Variants in COG6 observed in about 807,000 individuals in gnomAD.
COG6 encodes the protein conserved oligomeric Golgi complex subunit 6.
COG6 carries 74 observed loss-of-function variants against 88.8 expected under a neutral mutation model. That is an observed-to-expected ratio of 0.83 (90% confidence interval 0.69 to 1.01). COG6 has a LOEUF of 1.01. Among genes scored for constraint, COG6 ranks in the 50% least tolerant of loss-of-function variants. The pLI is 0.00. For missense variants in COG6, 800 were observed against 797.9 expected, an observed-to-expected ratio of 1.00 and a Z score of -0.03; for synonymous variants, 286 against 278.7, an observed-to-expected ratio of 1.03 and a Z score of -0.26.
intron 18 of COG6, among the ~76,000 whole-genome samples, chr13:39,731,899 A>C (rs990663323): frequency 6.6e-6 from 1 of 152,210 alleles, no homozygotes; most frequent in African/African-American, 2.4e-5. Flanking sequence ...AGACCTCAGA[A>C]AGTCCAAACC....
At chr13:39,736,376 CTT>C (rs1270527719) in intron 18 of COG6, among the ~76,000 whole-genome samples, 1 of 152,038 alleles carries the variant, frequency 6.6e-6, no homozygotes, top group East Asian at 1.9e-4. Context: ...ATTTCAAGCT[CTT>C]TGTTAAAGTT....
At chr13:39,730,800 G>A (rs1169089654) in intron 18 of COG6, among the ~76,000 whole-genome samples, 1,554 of 63,586 alleles carry the variant, frequency 0.024, no homozygotes, top group Non-Finnish European at 0.039. Context: ...AAAAAAAAAA[G>A]ATTTAACATT....
intron 18 of COG6, among the ~76,000 whole-genome samples, chr13:39,776,588 TA>T (rs571890572): frequency 1.0e-3 from 153 of 152,318 alleles, no homozygotes; most frequent in African/African-American, 3.7e-3. Context: ...GGAAAAGATG[TA>T]ACAAATGTTC....
intron 13 of COG6, among the ~76,000 whole-genome samples, chr13:39,705,912 T>A (rs1208707796): frequency 6.6e-6 from 1 of 151,936 alleles, no homozygotes. Flanking sequence ...GGTTGAATAG[T>A]TTGAGTTTTA....
chr13:39,719,044 T>C (rs567978117), intron 13 of COG6, among the ~76,000 whole-genome samples, 192 bp from the exon 14 acceptor site: 14 of 152,284 alleles, frequency 9.2e-5, no homozygotes, highest in African/African-American at 2.9e-4. Flanking sequence ...TGAGATAATC[T>C]GACAAAGAAC....
At chr13:39,786,397 G>A (rs773349751) in intron 18 of COG6, among the ~76,000 whole-genome samples, 5 of 152,122 alleles carry the variant, frequency 3.3e-5, no homozygotes, top group East Asian at 1.9e-4. Context: ...GTGGATGCCC[G>A]GACAAGGGCA....
intron 7 of COG6, 131 bp downstream of exon 7, chr13:39,680,176 G>T: frequency 4.9e-6 from 3 of 612,470 alleles, no homozygotes; most frequent in South Asian, 2.2e-5. Context: ...AATAGTATTT[G>T]TATTTGGTTT....
At chr13:39,706,308 A>G (rs1409375614) in intron 13 of COG6, among the ~76,000 whole-genome samples, 1 of 124,968 alleles carries the variant, frequency 8.0e-6, no homozygotes, top group African/African-American at 2.8e-5. Flanking sequence ...GAATGAGGAA[A>G]TTAGTTTAAA....
chr13:39,726,024 C>T (rs1457126031), intron 17 of COG6, among the ~76,000 whole-genome samples: 1 of 151,920 alleles, frequency 6.6e-6, no homozygotes, highest in Non-Finnish European at 1.5e-5. Flanking sequence ...CTTCATGTTC[C>T]TGGTGTTAAT....
chr13:39,767,960 T>A (rs1416410070), intron 18 of COG6, among the ~76,000 whole-genome samples: 1 of 152,200 alleles, frequency 6.6e-6, no homozygotes, highest in Non-Finnish European at 1.5e-5. Flanking sequence ...GTCCCAACTC[T>A]GAGCTGTCAT....
chr13:39,687,826 G>C (rs371418403), intron 10 of COG6, 27 bp downstream of exon 10: 2 of 1,451,600 alleles, frequency 1.4e-6, no homozygotes, highest in East Asian at 4.5e-5. Flanking sequence ...TATTGCTAAT[G>C]CCTAAATATA....
intron 18 of COG6, among the ~76,000 whole-genome samples, chr13:39,766,158 G>A (rs1242532874): frequency 6.6e-6 from 1 of 152,130 alleles, no homozygotes; most frequent in Non-Finnish European, 1.5e-5. Flanking sequence ...CCTGTCAGTT[G>A]AGCAGTGGCT....
intron 18 of COG6, among the ~76,000 whole-genome samples, chr13:39,774,136 G>A (rs1264620508): frequency 6.6e-6 from 1 of 152,134 alleles, no homozygotes; most frequent in East Asian, 1.9e-4. Context: ...TCATCAATAA[G>A]CTCCAAGTTC....
chr13:39,715,022 CAG>C (rs1456523487), intron 13 of COG6, among the ~76,000 whole-genome samples: 5 of 152,082 alleles, frequency 3.3e-5, no homozygotes, highest in Admixed American at 1.3e-4. Context: ...CAAAGGCACA[CAG>C]AGTGATATAA....
chr13:39,692,249 T>G (rs1360133913), intron 11 of COG6, among the ~76,000 whole-genome samples: 1 of 152,040 alleles, frequency 6.6e-6, no homozygotes, highest in Non-Finnish European at 1.5e-5. Context: ...ATTCCAAAAC[T>G]GTAGCTAGAA....
chr13:39,783,612 A>G (rs886424265), intron 18 of COG6, among the ~76,000 whole-genome samples: 1 of 152,172 alleles, frequency 6.6e-6, no homozygotes, highest in African/African-American at 2.4e-5. Flanking sequence ...AAAGGACAAT[A>G]CTTCCCAGAG....
intron 13 of COG6, among the ~76,000 whole-genome samples, chr13:39,712,478 G>A (rs1417282925): frequency 6.6e-5 from 10 of 152,102 alleles, no homozygotes; most frequent in Admixed American, 6.5e-4. Flanking sequence ...TTGTAACTAT[G>A]CTGCAGGAAC....
chr13:39,761,893 C>G (rs2138164988), intron 18 of COG6, among the ~76,000 whole-genome samples: 1 of 151,696 alleles, frequency 6.6e-6, no homozygotes, highest in South Asian at 2.1e-4. Context: ...CAAGAATGCA[C>G]AGAAATGGGA....
rs772363334 is a variant in COG6 at position 39,726,519 on chromosome 13, G to T, written c.1747-950G>T. Among the ~76,000 whole-genome samples the T allele has an allele frequency of 2.0e-5, 3 of 151,878 alleles. No homozygotes were observed. The South Asian group carries it at 6.2e-4, about 32-fold the overall frequency. ...TATCTTTACGTCTTTCACCTTGATT[G>T]CCCCTATAGTCTAAAAATGCTGCAG... On this transcript the variant is annotated intron_variant, in intron 17 of 18. Transcript: ENST00000455146.
Sources: gnomAD v4.1 joint callset for allele counts (sites outside exome capture counted in the v4.1 genomes callset) on GRCh38, gnomAD v4.1.1 for gene constraint, MANE v1.5 for transcripts, NCBI Gene and HGNC (gene_info 2026-07-23, HGNC 2026-07-21) for gene names.